Variants in XRCC4 observed in about 807,000 individuals in gnomAD.
XRCC4 encodes DNA repair protein XRCC4.
XRCC4 carries 28 observed loss-of-function variants against 39.1 expected under a neutral mutation model. The ratio of observed to expected loss-of-function variants is 0.72; its 90% confidence interval spans 0.53 to 0.98. XRCC4 has a LOEUF of 0.98. Ranked by LOEUF, XRCC4 falls within the 50% of genes least tolerant of loss-of-function variation. XRCC4 has a pLI of 0.00. For synonymous variants in XRCC4, 123 were observed against 126.4 expected (o/e 0.97, Z 0.18); for missense variants, 350 against 376.4 (o/e 0.93, Z 0.58).
At chr5:83,304,771 G>GTATT (rs1160206636) in intron 7 of XRCC4, among the ~76,000 whole-genome samples, 1 of 152,034 alleles carries the variant, frequency 6.6e-6, no homozygotes, top group African/African-American at 2.4e-5. Context: ...ATCTAATTCT[G>GTATT]TATTTAGTTG....
At chr5:83,125,185 T>C (rs1378415777) in intron 3 of XRCC4, among the ~76,000 whole-genome samples, 1 of 152,222 alleles carries the variant, frequency 6.6e-6, no homozygotes, top group Non-Finnish European at 1.5e-5. Flanking sequence ...ATTTTTATTT[T>C]TGTTGTATGT....
intron 1 of XRCC4, among the ~76,000 whole-genome samples, chr5:83,081,940 T>C (rs948759662): frequency 6.6e-6 from 1 of 152,248 alleles, no homozygotes; most frequent in East Asian, 1.9e-4. Flanking sequence ...CTCATCTGAA[T>C]TGATGGCAAC....
chr5:83,296,992 A>G (rs568989542), intron 7 of XRCC4, among the ~76,000 whole-genome samples: 1 of 152,128 alleles, frequency 6.6e-6, no homozygotes, highest in African/African-American at 2.4e-5. Flanking sequence ...TGGATCATTC[A>G]GATTGTACAA....
In XRCC4 at chr5:83,239,777, C is replaced by T. The variant is rs78186835; in HGVS notation, c.746-18753C>T. ...CCAGGAGGCGGAGCTTGCAGTGAGC[C>T]GAGATTGGGCCACTGTACTCCAACC... On this transcript the variant is annotated intron_variant, in intron 6 of 7. Coordinates refer to ENST00000396027, the MANE Select transcript of XRCC4 (RefSeq NM_003401.5). Among the ~76,000 whole-genome samples the T allele has an allele frequency of 8.0e-4, 121 of 151,350 alleles. 2 individuals are homozygous for T. The South Asian group carries it at 0.022, about 27-fold the overall frequency.
chr5:83,365,822 G>T, the XRCC4 span, among the ~76,000 whole-genome samples: 1 of 152,184 alleles, frequency 6.6e-6, no homozygotes, highest in East Asian at 1.9e-4. Flanking sequence ...AAATAATTAA[G>T]ATGATCTTTC....
At position 83,111,044 on chromosome 5, in the gene XRCC4, T is replaced by G. The variant is rs1746417146; in HGVS notation, c.156T>G (p.Ile52Met). The G allele has an allele frequency of 6.2e-7, 1 of 1,605,032 alleles. No individual in the cohort carries two copies. Among genetic ancestry groups the G allele is most frequent in the Non-Finnish European group, 8.5e-7 (1 of 1,177,472 alleles). The change falls in exon 3 of 8, where the codon ATT becomes ATG. Residue 52 changes from isoleucine (I) to methionine (M), a missense_variant. Physicochemically the swap from Ile to Met is conservative, Grantham distance 10 (BLOSUM62 1). Coordinates refer to ENST00000396027, the MANE Select transcript of XRCC4 (RefSeq NM_003401.5). ...TTCCCATAGTTTCTGAATCAGAGAT[T>G]TCCCAAGAAGCTGATGACATGGCAA... ...AWTGTVSESE[I>M]SQEADDMAME...
At chr5:83,198,667 T>C (rs1751050678) in intron 4 of XRCC4, among the ~76,000 whole-genome samples, 1 of 152,166 alleles carries the variant, frequency 6.6e-6, no homozygotes, top group Admixed American at 6.6e-5. Flanking sequence ...AAAGCTATTT[T>C]CATTTGGGAT....
At chr5:83,267,354 A>G (rs1753992046) in intron 7 of XRCC4, among the ~76,000 whole-genome samples, 1 of 151,970 alleles carries the variant, frequency 6.6e-6, no homozygotes, top group Non-Finnish European at 1.5e-5. Context: ...TAGTAACAGA[A>G]CTCCTTTCCA....
chr5:83,179,510 A>G (rs888257504), intron 3 of XRCC4, among the ~76,000 whole-genome samples: 1 of 152,154 alleles, frequency 6.6e-6, no homozygotes, highest in African/African-American at 2.4e-5. Context: ...TCAACGTTGT[A>G]AACAGTCGTT....
chr5:83,137,945 A>G (rs560029483), intron 3 of XRCC4, among the ~76,000 whole-genome samples: 23 of 152,316 alleles, frequency 1.5e-4, no homozygotes, highest in African/African-American at 5.5e-4. Context: ...ACATGTTTGC[A>G]TAGTGGACAG....
chr5:83,367,141 A>C, the XRCC4 span, among the ~76,000 whole-genome samples: 4 of 152,142 alleles, frequency 2.6e-5, no homozygotes, highest in African/African-American at 9.7e-5. Flanking sequence ...TACTGATTAA[A>C]TCAGTATCAT....
intron 3 of XRCC4, among the ~76,000 whole-genome samples, chr5:83,143,119 A>G (rs1001002965): frequency 6.6e-6 from 1 of 152,170 alleles, no homozygotes; most frequent in Non-Finnish European, 1.5e-5. Context: ...TCATAACTCT[A>G]TGGAATAAGT....
chr5:83,232,247 G>A (rs1393587489), intron 6 of XRCC4, among the ~76,000 whole-genome samples: 2 of 152,102 alleles, frequency 1.3e-5, no homozygotes, highest in Non-Finnish European at 2.9e-5. Context: ...AATAAATCGT[G>A]TAAAGTTCCA....
chr5:83,131,546 TTGAATC>T (rs1747582861), intron 3 of XRCC4, among the ~76,000 whole-genome samples: 1 of 152,106 alleles, frequency 6.6e-6, no homozygotes, highest in African/African-American at 2.4e-5. Context: ...GACTTGCGTT[TTGAATC>T]TGGGTGCTCC....
chr5:83,292,078 G>GA lies in XRCC4; in HGVS notation c.893+33408dup, dbSNP rs1408273375. Among the ~76,000 whole-genome samples the GA allele has an allele frequency of 5.3e-5, 8 of 151,194 alleles. No homozygotes were observed. The East Asian group carries it at 1.4e-3, about 26-fold the overall frequency. ...AAGTAAAACCAGCAAGCTTTGTAGA[G>GA]AAAAAAATGTAAACTTTATTATTTC... is the stretch of plus-strand genomic sequence containing the variant. On this transcript the variant is annotated intron_variant, in intron 7 of 7. Coordinates refer to ENST00000396027, the MANE Select transcript of XRCC4 (RefSeq NM_003401.5).
chr5:83,189,224 C>G (rs1373562655), intron 3 of XRCC4, among the ~76,000 whole-genome samples: 1 of 152,116 alleles, frequency 6.6e-6, no homozygotes. Flanking sequence ...TATTTATAGC[C>G]CTTCAATGTA....
intron 3 of XRCC4, among the ~76,000 whole-genome samples, chr5:83,189,246 T>C (rs1007543780): frequency 1.3e-5 from 2 of 152,206 alleles, no homozygotes; most frequent in African/African-American, 4.8e-5. Flanking sequence ...AGCCAACTTC[T>C]GAGATTTCTG....
At chr5:83,247,190 C>T (rs569035441) in intron 6 of XRCC4, among the ~76,000 whole-genome samples, 1 of 152,134 alleles carries the variant, frequency 6.6e-6, no homozygotes, top group Non-Finnish European at 1.5e-5. Context: ...ATGCATAATT[C>T]TAAGGATTTG....
At chr5:83,169,189 C>T (rs1749618349) in intron 3 of XRCC4, among the ~76,000 whole-genome samples, 1 of 152,096 alleles carries the variant, frequency 6.6e-6, no homozygotes, top group South Asian at 2.1e-4. Context: ...AAGAAATATA[C>T]TTTGTATTTA....
Sources: allele counts gnomAD v4.1 joint callset (sites outside exome capture counted in the v4.1 genomes callset), GRCh38; gene constraint gnomAD v4.1.1; transcripts MANE v1.5; gene names NCBI Gene and HGNC (gene_info 2026-07-23, HGNC 2026-07-21).